Variants in EEF2 observed in about 807,000 individuals in gnomAD.
EEF2 encodes the protein elongation factor 2.
Under a neutral mutation model 85.3 loss-of-function variants are expected in EEF2, and 21 were observed. The observed-to-expected ratio is 0.25, with a 90% confidence interval of 0.17 to 0.35. EEF2 has a LOEUF of 0.35. EEF2 is among the 10% of genes least tolerant of loss of function. EEF2 has a pLI of 1.00. For missense variants in EEF2, 825 were observed against 1,225.3 expected (o/e 0.67, Z 4.88); for synonymous variants, 723 against 508.8 (o/e 1.42, Z -5.67).
At chr19:3,985,288 C>T (rs796396842) in intron 1 of EEF2, 90 bp downstream of exon 1, 37 of 1,300,846 alleles carry the variant, frequency 2.8e-5, no homozygotes, top group African/African-American at 1.1e-4. Context: ...CCTCCTGGCA[C>T]GGGGGGCCCC....
At chr19:3,979,495 G>C in intron 10 of EEF2, 59 bp from the exon 11 acceptor site, 1 of 1,453,186 alleles carries the variant, frequency 6.9e-7, no homozygotes. Context: ...GCGGGACCAG[G>C]CTCCCAGCTT....
At chr19:3,979,476 T>G in intron 10 of EEF2, 40 bp from the exon 11 acceptor site, 1 of 1,570,996 alleles carries the variant, frequency 6.4e-7, no homozygotes. Flanking sequence ...GGTAGGCGGC[T>G]CGGAACAGGC....
Position 3,977,130 on chromosome 19 carries a change from T to TTTAAC in EEF2, c.2383+80_2383+84dup. On this transcript the variant is annotated intron_variant, in intron 14 of 14. Transcript: ENST00000309311. The surrounding 1 kb of genome is among the most constrained non-coding windows in gnomAD (Gnocchi z 5.4). The stretch of plus-strand genomic sequence containing the variant: ...CACCTGCTCCCATCAGGACGCCTCC[T>TTTAAC]TTAACACCTTGCTAAGCTTAACTGG... 2 of 1,557,374 alleles carry TTTAAC rather than the reference T, an allele frequency of 1.3e-6. No homozygotes were observed. The highest frequency in any genetic ancestry group is 2.4e-5 in the South Asian group (2 of 83,532).
chr19:3,977,392 C>T lies in EEF2; in HGVS notation c.2250+36G>A, dbSNP rs759649184. The T allele has an allele frequency of 8.2e-6, 13 of 1,590,766 alleles. No homozygotes were observed. Among genetic ancestry groups the T allele is most frequent in the South Asian group, 3.4e-5 (3 of 88,106 alleles). On this transcript the variant is annotated intron_variant, in intron 13 of 14. Transcript: ENST00000309311. The surrounding 1 kb of genome is among the most constrained non-coding windows in gnomAD (Gnocchi z 5.4). Reference sequence around the variant, plus strand: ...ACCTGTCAGTGGCCGCTGGGCAGGACGGTGGCAGGGTCAGCGGTGGGCGGG... The same window carrying T: ...ACCTGTCAGTGGCCGCTGGGCAGGATGGTGGCAGGGTCAGCGGTGGGCGGG...
intron 2 of EEF2, chr19:3,983,921 C>T (rs1337612486): frequency 5.1e-6 from 3 of 588,328 alleles, no homozygotes; most frequent in African/African-American, 1.9e-5. Context: ...GGAGTTAAGC[C>T]CCCTCCTCAA....
chr19:3,985,269 G>C (rs1000661442), intron 1 of EEF2, 109 bp downstream of exon 1: 1 of 1,237,830 alleles, frequency 8.1e-7, no homozygotes, highest in South Asian at 2.3e-5. Context: ...CCCCGCCGCC[G>C]CTACGTCTCC....
chr19:3,977,646 C>G lies in EEF2; in HGVS notation c.2068-36G>C. ...GGGAGAGCCACCGTCAAGGGCCGGA[C>G]ACACCTCGGCTGCTTGCCCTCCACC... On this transcript the variant is annotated intron_variant, in intron 12 of 14. Coordinates refer to ENST00000309311, the MANE Select transcript of EEF2 (RefSeq NM_001961.4). This position sits in a 1 kb window ranked among gnomAD's most constrained non-coding sequence, Gnocchi z 5.4. 9 of 1,483,970 alleles carry G rather than the reference C, an allele frequency of 6.1e-6. No homozygotes were observed. The highest frequency in any genetic ancestry group is 8.0e-6 in the Non-Finnish European group (9 of 1,122,816). 91.9% of individuals were successfully genotyped at this position (1,483,970 alleles called of 1,614,324 possible).
chr19:3,977,056 T>C lies in EEF2; in HGVS notation c.2383+159A>G, dbSNP rs1464844524. Among the ~76,000 whole-genome samples, 1 of 152,200 alleles carries C rather than the reference T, an allele frequency of 6.6e-6. No individual in the cohort carries two copies. Among genetic ancestry groups the C allele is most frequent in the Non-Finnish European group, 1.5e-5 (1 of 68,024 alleles). Reference sequence around the variant, plus strand: ...AGCCCCTCCCCTGGGAATTCAGTGATTTAGGGGGTCCACAAGCTGTCAGAA... The same window carrying C: ...AGCCCCTCCCCTGGGAATTCAGTGACTTAGGGGGTCCACAAGCTGTCAGAA... On this transcript the variant is annotated intron_variant, in intron 14 of 14. Coordinates refer to ENST00000309311, the MANE Select transcript of EEF2 (RefSeq NM_001961.4). The surrounding 1 kb of genome is among the most constrained non-coding windows in gnomAD (Gnocchi z 5.4).
intron 14 of EEF2, 141 bp from the exon 15 acceptor site, chr19:3,976,888 G>A (rs569946057): frequency 1.5e-5 from 16 of 1,073,242 alleles, no homozygotes; most frequent in Non-Finnish European, 1.8e-5. Context: ...AGCACTTCAC[G>A]AAGGGCCTAG....
chr19:3,981,505 G>C, intron 6 of EEF2, 53 bp from the exon 7 acceptor site: 1 of 1,511,624 alleles, frequency 6.6e-7, no homozygotes, highest in Non-Finnish European at 9.2e-7. Context: ...GCAGGAGGAA[G>C]CCTGGCACTG....
intron 1 of EEF2, chr19:3,985,169 A>C: frequency 2.1e-6 from 1 of 486,358 alleles, no homozygotes; most frequent in Non-Finnish European, 3.4e-6. Flanking sequence ...GGGCAAGGTT[A>C]TGGCGCCCTC....
chr19:3,982,553 A>G, intron 4 of EEF2, 129 bp from the exon 5 acceptor site: 1 of 1,296,800 alleles, frequency 7.7e-7, no homozygotes, highest in Non-Finnish European at 1.1e-6. Context: ...AAAGTGAAGA[A>G]ATGATCAGTC....
rs373012926 is a variant in EEF2, at chr19:3,983,032, G to A, written c.401-14C>T. 203 of 1,612,568 alleles carry A rather than the reference G, an allele frequency of 1.3e-4. No individual in the cohort carries two copies. The highest frequency in any genetic ancestry group is 1.7e-4 in the Non-Finnish European group (195 of 1,179,686). On this transcript the variant is annotated splice_polypyrimidine_tract_variant and intron_variant, in intron 3 of 14. Coordinates refer to ENST00000309311, the MANE Select transcript of EEF2 (RefSeq NM_001961.4). ...GCACGCACACGCCTGGGGACACGGGGGACAGGGCGGCGCTGTCATCCTCAA... is the reference window on the plus strand; with the variant it reads ...GCACGCACACGCCTGGGGACACGGGAGACAGGGCGGCGCTGTCATCCTCAA...
chr19:3,980,362 G>T, intron 9 of EEF2, 152 bp downstream of exon 9: 1 of 1,056,750 alleles, frequency 9.5e-7, no homozygotes, highest in Non-Finnish European at 1.3e-6. Context: ...TGCCCTCACT[G>T]GGCTAAGAAC....
chr19:3,982,532 G>A (rs746492979), intron 4 of EEF2, 108 bp from the exon 5 acceptor site: 11 of 1,390,706 alleles, frequency 7.9e-6, no homozygotes, highest in African/African-American at 2.8e-5. Context: ...TTCTTCAGTA[G>A]ACATCTGGTC....
chr19:3,983,606 G>A (rs1440825616), intron 2 of EEF2, among the ~76,000 whole-genome samples: 2 of 152,224 alleles, frequency 1.3e-5, no homozygotes, highest in East Asian at 1.9e-4. Flanking sequence ...GACGGCAAAA[G>A]CCTCCAGAGA....
rs2039733722 is a variant in EEF2, at chr19:3,980,615, T to C, written c.1245A>G (p.Arg415=). Residue 415 remains arginine, a synonymous_variant, in exon 9 of 15, where the codon CGA becomes CGG. Coordinates refer to ENST00000309311, the MANE Select transcript of EEF2 (RefSeq NM_001961.4). ...SDKGRFYAFG[R]VFSGLVSTGL... ...CAGTGGAGACCAGCCCCGAGAAGAC[T>C]CGTCCAAAGGCGTAGAACCGACCTT... The C allele has an allele frequency of 1.2e-6, 2 of 1,614,026 alleles. No homozygotes were observed. Among genetic ancestry groups the C allele is most frequent in the African/African-American group, 1.3e-5 (1 of 74,926 alleles).
chr19:3,985,341 C>T, intron 1 of EEF2, 37 bp downstream of exon 1: 1 of 1,455,540 alleles, frequency 6.9e-7, no homozygotes, highest in South Asian at 1.4e-5. Flanking sequence ...GAGGCCCCGC[C>T]GCCGCTCCGG....
Sources: gnomAD v4.1 joint callset for allele counts (sites outside exome capture counted in the v4.1 genomes callset) on GRCh38, gnomAD v4.1.1 for gene constraint, Gnocchi (gnomAD v3.1) non-coding constraint, MANE v1.5 for transcripts, NCBI Gene and HGNC (gene_info 2026-07-23, HGNC 2026-07-21) for gene names.